GAN: variants seen among roughly 807,000 people sequenced by gnomAD.
GAN encodes the protein epididymis secretory sperm binding protein.
In GAN, 48 loss-of-function variants were observed where a neutral mutation model predicts 71.3. That is an observed-to-expected ratio of 0.67 (90% CI 0.53 to 0.86). The LOEUF is 0.86. Among genes scored for constraint, GAN ranks in the 40% least tolerant of loss-of-function variants. The probability of loss-of-function intolerance (pLI) is 0.00; values close to 1 mark genes in which losing one functional copy is unlikely to be tolerated. For synonymous variants in GAN, 386 were observed against 276.8 expected, an observed-to-expected ratio of 1.39 and a Z score of -3.92; for missense variants, 928 against 770.1, an observed-to-expected ratio of 1.21 and a Z score of -2.43.
chr16:81,377,833 T>A lies in GAN; in HGVS notation c.*237T>A, dbSNP rs113064319. On this transcript the variant is annotated 3_prime_UTR_variant, in exon 11 of 11. Transcript: ENST00000648994. ...CTCCAGTTAAATGTGGCTGTAGATG[T>A]TGGAGGCTAGGGAGGCTAGTAAATA... 0.033 allele frequency: 19,123 copies of A among 574,916 alleles called. 678 individuals are homozygous for A. The highest frequency in any genetic ancestry group is 0.14 in the African/African-American group (7,472 of 53,418). 35.6% of individuals were successfully genotyped at this position (574,916 alleles called of 1,614,324 possible).
At chr16:81,366,571 G>C (rs150258802) in intron 9 of GAN, among the ~76,000 whole-genome samples, 1 of 152,318 alleles carries the variant, frequency 6.6e-6, no homozygotes, top group East Asian at 1.9e-4. Flanking sequence ...TGCTGTTTTA[G>C]ATGAGGGCAC....
rs147107436 is a variant in GAN at position 81,361,663 on chromosome 16, A to G, written c.974-836A>G. Among the ~76,000 whole-genome samples, 340 of 152,228 alleles carry G rather than the reference A, an allele frequency of 2.2e-3. 12 individuals are homozygous for G. The East Asian group carries it at 0.055, about 25-fold the overall frequency. On this transcript the variant is annotated intron_variant, in intron 5 of 10. Transcript: ENST00000648994. ...ATTTTCCCTTCAGTTTTGCCTTGTT[A>G]TCTTGTTGGCTTCTCCTCTTCTAAG...
chr16:81,315,781 G>T (rs903667300), intron 1 of GAN, among the ~76,000 whole-genome samples: 3 of 152,264 alleles, frequency 2.0e-5, no homozygotes, highest in South Asian at 2.1e-4. Flanking sequence ...CGCCAACCAG[G>T]CGGGGAGCGC....
intron 7 of GAN, 126 bp from the exon 8 acceptor site, chr16:81,364,848 G>T (rs769469207): frequency 3.3e-6 from 3 of 918,858 alleles, no homozygotes. Context: ...AAGCACCATC[G>T]TTTTACGGTT....
intron 1 of GAN, among the ~76,000 whole-genome samples, chr16:81,338,048 C>T (rs1395456137): frequency 6.6e-6 from 1 of 152,162 alleles, no homozygotes; most frequent in African/African-American, 2.4e-5. Flanking sequence ...TCACCTTAAT[C>T]TCTTCTGTTT....
At chr16:81,362,019 C>T (rs1910690230) in intron 5 of GAN, among the ~76,000 whole-genome samples, 1 of 152,114 alleles carries the variant, frequency 6.6e-6, no homozygotes, top group South Asian at 2.1e-4. Context: ...TTGTTTTTTG[C>T]AGAAGAATAA....
At position 81,357,946 on chromosome 16, in the gene GAN, C is replaced by A. The variant is rs776006892; in HGVS notation, c.973+15C>A. 3.7e-6 allele frequency: 6 copies of A among 1,611,466 alleles called. No homozygotes were observed. In the East Asian group the frequency reaches 1.3e-4, roughly 36 times the overall value. ...TCTCTCAGCAGGTACCGTTCTGTGG[C>A]AAATTTTCCTTAAACAGCAGATCAA... On this transcript the variant is annotated intron_variant, in intron 5 of 10. Transcript: ENST00000648994.
At chr16:81,367,821 A>G (rs1171648674) in intron 9 of GAN, among the ~76,000 whole-genome samples, 1 of 152,224 alleles carries the variant, frequency 6.6e-6, no homozygotes, top group Admixed American at 6.5e-5. Flanking sequence ...CTGAGGTGGG[A>G]TCTGAACTCA....
rs372480751 is a variant in GAN, at chr16:81,331,074, G to T, written c.167+15794G>T. On this transcript the variant is annotated intron_variant, in intron 1 of 10. Transcript: ENST00000648994. ...TTAAAAATTAGCCAGGCATGGTGGC[G>T]CACACCTGTAGTCCCAGCCACTCAG... Among the ~76,000 whole-genome samples the T allele has an allele frequency of 9.2e-5, 14 of 152,260 alleles. 2 individuals carry two copies. Among genetic ancestry groups the T allele is most frequent in the Admixed American group, 4.6e-4 (7 of 15,290 alleles).
Position 81,377,642 on chromosome 16 carries a change from A to G in GAN, c.*46A>G. 6.5e-7 allele frequency: 1 copy of G among 1,533,778 alleles called. No individual in the cohort carries two copies. The highest frequency in any genetic ancestry group is 1.1e-5 in the South Asian group (1 of 89,464). On this transcript the variant is annotated 3_prime_UTR_variant, in exon 11 of 11. Transcript: ENST00000648994. ...CGAGATCCTGACCCAAGAGCACCAT[A>G]ACATAGCTCCGAAAGGGAGAGCAGA...
Position 81,377,834 on chromosome 16 carries a change from T to TGGAGGCTAG in GAN, c.*248_*256dup, listed in dbSNP as rs1167094103. ...TCCAGTTAAATGTGGCTGTAGATGT[T>TGGAGGCTAG]GGAGGCTAGGGAGGCTAGTAAATAT... is the stretch of plus-strand genomic sequence containing the variant. On this transcript the variant is annotated 3_prime_UTR_variant, in exon 11 of 11. Coordinates refer to ENST00000648994, the MANE Select transcript of GAN (RefSeq NM_022041.4). The TGGAGGCTAG allele has an allele frequency of 1.8e-6, 1 of 570,956 alleles. No homozygotes were observed. Among genetic ancestry groups the TGGAGGCTAG allele is most frequent in the African/African-American group, 1.9e-5 (1 of 53,248 alleles). The allele number at this position is 570,956 out of a possible 1,614,324, so 35.4% of individuals were successfully genotyped here.
At chr16:81,376,677 T>C (rs909418051) in intron 9 of GAN, among the ~76,000 whole-genome samples, 1 of 149,712 alleles carries the variant, frequency 6.7e-6, no homozygotes. Context: ...TATATACATA[T>C]GTGTATATGT....
chr16:81,316,528 G>C (rs1909049106), intron 1 of GAN, among the ~76,000 whole-genome samples: 1 of 152,084 alleles, frequency 6.6e-6, no homozygotes, highest in African/African-American at 2.4e-5. Context: ...GGGTAGCATC[G>C]TTAGTACAGA....
chr16:81,319,206 T>TTATATATATA (rs57681055), intron 1 of GAN, among the ~76,000 whole-genome samples: 3,724 of 138,686 alleles, frequency 0.027, 118 homozygotes, highest in East Asian at 0.16. Flanking sequence ...TAGATATAGA[T>TTATATATATA]TATATATATA....
At chr16:81,359,332 A>C (rs1179545189) in intron 5 of GAN, among the ~76,000 whole-genome samples, 1 of 151,854 alleles carries the variant, frequency 6.6e-6, no homozygotes, top group Non-Finnish European at 1.5e-5. Context: ...GGAAGGAGCG[A>C]CTGTGTACAG....
At chr16:81,351,487 A>G (rs1342568056) in intron 1 of GAN, 96 bp from the exon 2 acceptor site, 3 of 714,736 alleles carry the variant, frequency 4.2e-6, no homozygotes, top group Non-Finnish European at 7.7e-6. Flanking sequence ...TCATATACTG[A>G]TAAGTATCTT....
chr16:81,315,242 G>T lies in GAN; in HGVS notation c.129G>T (p.Val43=). The part of the protein sequence containing the change: ...HLVLDGEEIP[V]QKNILAAASP... Reference sequence around the variant, plus strand: ...TCCTCGACGGGGAGGAGATCCCGGTGCAGAAGAACATCCTGGCGGCGGCCA... The same window carrying T: ...TCCTCGACGGGGAGGAGATCCCGGTTCAGAAGAACATCCTGGCGGCGGCCA... Residue 43 remains valine (V), a synonymous_variant, in exon 1 of 11, where the codon GTG becomes GTT. Coordinates refer to ENST00000648994, the MANE Select transcript of GAN (RefSeq NM_022041.4). 1 of 1,579,100 alleles carries T rather than the reference G, an allele frequency of 6.3e-7. No homozygotes were observed.
At chr16:81,357,101 T>A (rs113790899) in intron 4 of GAN, 99 bp downstream of exon 4, 3 of 849,884 alleles carry the variant, frequency 3.5e-6, no homozygotes, top group African/African-American at 1.7e-5. Flanking sequence ...TAAAACATAA[T>A]TACATTTGAT....
chr16:81,337,749 AAG>A (rs1461548921), intron 1 of GAN, among the ~76,000 whole-genome samples: 1 of 152,238 alleles, frequency 6.6e-6, no homozygotes, highest in Non-Finnish European at 1.5e-5. Context: ...TGTCAAGAAA[AAG>A]TAACGTGAAT....
Sources: allele counts gnomAD v4.1 joint callset (sites outside exome capture counted in the v4.1 genomes callset), GRCh38; gene constraint gnomAD v4.1.1; transcripts MANE v1.5; gene names NCBI Gene and HGNC (gene_info 2026-07-23, HGNC 2026-07-21).